Variants in SRGAP3 observed in about 807,000 individuals in gnomAD.
SRGAP3 encodes SLIT-ROBO Rho GTPase activating protein 3.
SRGAP3 carries 39 observed loss-of-function variants against 121.1 expected under a neutral mutation model. The observed-to-expected ratio is 0.32, with a 90% CI of 0.25 to 0.42. The LOEUF is 0.42. Among genes scored for constraint, SRGAP3 ranks in the 10% least tolerant of loss-of-function variants. SRGAP3 has a pLI of 1.00. For synonymous variants in SRGAP3, 601 were observed against 570.0 expected, an observed-to-expected ratio of 1.05 and a Z score of -0.77; for missense variants, 1,213 against 1,470.6, an observed-to-expected ratio of 0.82 and a Z score of 2.86.
intron 14 of SRGAP3, among the ~76,000 whole-genome samples, chr3:9,022,193 T>G (rs1559933770): frequency 6.6e-6 from 1 of 152,240 alleles, no homozygotes; most frequent in East Asian, 1.9e-4. Flanking sequence ...CCGGGCAAGG[T>G]GGCACACGCC....
chr3:9,271,545 G>T (rs1954478075), intron 3 of SRGAP3, among the ~76,000 whole-genome samples: 1 of 152,054 alleles, frequency 6.6e-6, no homozygotes, highest in Admixed American at 6.6e-5. Flanking sequence ...ACTTCCCATG[G>T]GATTGGCTGA....
At chr3:9,343,890 A>C (rs1955835630) in intron 1 of SRGAP3, among the ~76,000 whole-genome samples, 1 of 152,182 alleles carries the variant, frequency 6.6e-6, no homozygotes, top group South Asian at 2.1e-4. Context: ...GCTGGCCTCG[A>C]ACTTCTAATC....
chr3:9,090,150 C>A (rs765452065), intron 3 of SRGAP3, among the ~76,000 whole-genome samples: 1 of 152,126 alleles, frequency 6.6e-6, no homozygotes, highest in Non-Finnish European at 1.5e-5. Flanking sequence ...CTGAATGAGA[C>A]GGCCTTCTGA....
At chr3:9,253,810 G>A (rs144129078), upstream of SRGAP3, among the ~76,000 whole-genome samples, 539 of 152,258 alleles carry the variant, frequency 3.5e-3, 3 homozygotes, top group East Asian at 0.033. Context: ...ATCATTTGTC[G>A]TATGTGGTCC....
intron 1 of SRGAP3, among the ~76,000 whole-genome samples, chr3:9,343,223 G>C (rs529852633): frequency 1.1e-4 from 16 of 152,296 alleles, no homozygotes; most frequent in Admixed American, 3.3e-4. Context: ...ATGCGTATTT[G>C]AAGATACTTT....
rs371353820 is a variant in SRGAP3, at chr3:9,032,632, C to T, written c.1539+18G>A. On this transcript the variant is annotated intron_variant, in intron 12 of 21. Coordinates refer to ENST00000383836, the MANE Select transcript of SRGAP3 (RefSeq NM_014850.4). ...ACATTGGGTGCATTCGCGGACTCCA[C>T]GGCTCCCCAGCAAGTACCTTAATGA... The T allele has an allele frequency of 8.1e-6, 13 of 1,609,796 alleles. No individual in the cohort carries two copies. Among genetic ancestry groups the T allele is most frequent in the African/African-American group, 5.3e-5 (4 of 74,774 alleles).
intron 9 of SRGAP3, among the ~76,000 whole-genome samples, chr3:9,051,262 G>A (rs1243920866): frequency 2.0e-5 from 3 of 152,122 alleles, no homozygotes; most frequent in South Asian, 2.1e-4. Context: ...CCTCCTACTC[G>A]GCCTCCCAAA....
At chr3:9,081,790 T>C (rs1428629955) in intron 3 of SRGAP3, among the ~76,000 whole-genome samples, 1 of 152,160 alleles carries the variant, frequency 6.6e-6, no homozygotes, top group African/African-American at 2.4e-5. Context: ...CTAGAATTCT[T>C]TGTTATTTTA....
At chr3:8,995,107 T>C (rs1416353698) in intron 18 of SRGAP3, among the ~76,000 whole-genome samples, 8 of 152,176 alleles carry the variant, frequency 5.3e-5, no homozygotes, top group Admixed American at 1.3e-4. Flanking sequence ...CTTTAATTAA[T>C]GTAAATGAGG....
At chr3:9,069,553 A>G (rs1047701892) in intron 4 of SRGAP3, among the ~76,000 whole-genome samples, 16 of 152,194 alleles carry the variant, frequency 1.1e-4, no homozygotes, top group Non-Finnish European at 1.8e-4. Context: ...AGTTAAGACC[A>G]CTGTTCTTGG....
chr3:9,047,591 G>A (rs906908531), intron 9 of SRGAP3, 116 bp from the exon 10 acceptor site: 2 of 965,060 alleles, frequency 2.1e-6, no homozygotes, highest in African/African-American at 3.2e-5. Context: ...TCACCCGCAG[G>A]GACCCCGGCG....
chr3:9,137,867 G>A lies in SRGAP3; in HGVS notation c.68-12950C>T, dbSNP rs566742187. On this transcript the variant is annotated intron_variant, in intron 1 of 21. Coordinates refer to ENST00000383836, the MANE Select transcript of SRGAP3 (RefSeq NM_014850.4). ...TTCCAGATGTTCAGTGAAATGCAAA[G>A]AACAGCCAGAGTGAGGCCACGCCTC... Among the ~76,000 whole-genome samples the A allele has an allele frequency of 1.0e-3, 155 of 152,354 alleles. 1 individual carries two copies. In the South Asian group the frequency reaches 0.031, roughly 31 times the overall value.
intron 3 of SRGAP3, among the ~76,000 whole-genome samples, chr3:9,098,563 C>A (rs1001648387): frequency 5.3e-5 from 8 of 152,224 alleles, no homozygotes; most frequent in African/African-American, 1.9e-4. Context: ...CTGCACCTGA[C>A]TCTATCTTCT....
At chr3:9,057,233 T>C (rs1315610330) in intron 7 of SRGAP3, among the ~76,000 whole-genome samples, 1 of 152,170 alleles carries the variant, frequency 6.6e-6, no homozygotes. Context: ...CCACCTTTCA[T>C]GTGGGACTCC....
intron 1 of SRGAP3, among the ~76,000 whole-genome samples, chr3:9,145,274 G>A (rs1986167): frequency 6.6e-6 from 1 of 151,926 alleles, no homozygotes; most frequent in Non-Finnish European, 1.5e-5. Flanking sequence ...TTTTGTAGTT[G>A]TGGTAGAGAC....
intron 8 of SRGAP3, among the ~76,000 whole-genome samples, chr3:9,055,085 A>G (rs1945757044): frequency 6.6e-6 from 1 of 152,248 alleles, no homozygotes. Flanking sequence ...GCATAAATAA[A>G]TAAAGAAAAC....
chr3:9,087,382 A>C (rs1027737656), intron 3 of SRGAP3, among the ~76,000 whole-genome samples: 2 of 151,958 alleles, frequency 1.3e-5, no homozygotes, highest in African/African-American at 4.8e-5. Flanking sequence ...AGAGAAGGGA[A>C]TATAAAATCA....
rs764680440 is a variant in SRGAP3, at chr3:9,123,397, A to ATAT, written c.260+1327_260+1328insATA. On this transcript the variant is annotated intron_variant, in intron 2 of 21. Transcript: ENST00000383836. The stretch of plus-strand genomic sequence containing the variant: ...AATATATATATATATATACATACAC[A>ATAT]ATACACATACATACACATACATGGA... 4.5e-3 allele frequency among the ~76,000 whole-genome samples: 399 copies of ATAT among 89,198 alleles called. 1 individual carries two copies. Among genetic ancestry groups the ATAT allele is most frequent in the Middle Eastern group, 0.015 (3 of 204 alleles). The allele number at this position is 89,198 out of a possible 152,430, so 58.5% of individuals were successfully genotyped here.
At chr3:9,295,912 G>A (rs991026679) in intron 3 of SRGAP3, among the ~76,000 whole-genome samples, 4 of 152,022 alleles carry the variant, frequency 2.6e-5, no homozygotes, top group South Asian at 2.1e-4. Context: ...TTTGTACCTG[G>A]CTTATTTCAA....
Sources: gnomAD v4.1 joint callset for allele counts (sites outside exome capture counted in the v4.1 genomes callset) on GRCh38, gnomAD v4.1.1 for gene constraint, MANE v1.5 for transcripts, NCBI Gene and HGNC (gene_info 2026-07-23, HGNC 2026-07-21) for gene names.